Variants in ARHGEF9 observed in about 807,000 individuals in gnomAD.
ARHGEF9 encodes rho guanine nucleotide exchange factor 9.
ARHGEF9 carries 2 observed loss-of-function variants against 41.3 expected under a neutral mutation model. The observed-to-expected ratio is 0.05, with a 90% confidence interval of 0.02 to 0.15. The LOEUF (loss-of-function observed/expected upper bound fraction) is 0.15. Among genes scored for constraint, ARHGEF9 ranks in the 10% least tolerant of loss-of-function variants. The pLI is 1.00. For synonymous variants in ARHGEF9, 160 were observed against 154.4 expected, an observed-to-expected ratio of 1.04 and a Z score of -0.27; for missense variants, 225 against 424.7, an observed-to-expected ratio of 0.53 and a Z score of 4.13.
chrX:63,658,469 G>A (rs1425108838), intron 7 of ARHGEF9, among the ~76,000 whole-genome samples: 2 of 111,880 alleles, frequency 1.8e-5, no homozygotes, highest in Non-Finnish European at 3.8e-5. Context: ...TAACCTACCA[G>A]CTGTATGGTT....
intron 2 of ARHGEF9, 137 bp downstream of exon 2, chrX:63,724,395 G>C: frequency 1.5e-6 from 1 of 686,255 alleles, no homozygotes; most frequent in Non-Finnish European, 2.2e-6. Flanking sequence ...CTCTGTATGA[G>C]ACAATTTTAA....
intron 1 of ARHGEF9, chrX:63,754,173 G>T: frequency 2.7e-6 from 2 of 745,680 alleles, no homozygotes; most frequent in Non-Finnish European, 4.1e-6. Context: ...GATTAAAAAT[G>T]CACACACGCA....
At chrX:63,721,755 A>G (rs1432476137) in intron 2 of ARHGEF9, among the ~76,000 whole-genome samples, 2 of 110,501 alleles carry the variant, frequency 1.8e-5, no homozygotes, top group African/African-American at 6.6e-5. Context: ...CGACAACTAG[A>G]TATGAGGACT....
intron 8 of ARHGEF9, among the ~76,000 whole-genome samples, chrX:63,649,693 C>G (rs2048400637): frequency 9.0e-6 from 1 of 111,135 alleles, no homozygotes; most frequent in African/African-American, 3.3e-5. Context: ...AGACCACTAG[C>G]AAGACTAATA....
At chrX:63,690,862 T>G (rs1421283105) in intron 4 of ARHGEF9, among the ~76,000 whole-genome samples, 1 of 111,973 alleles carries the variant, frequency 8.9e-6, no homozygotes, top group Non-Finnish European at 1.9e-5. Flanking sequence ...TACATTACAT[T>G]AACAGAACCA....
rs187896794 is a variant in ARHGEF9, at chrX:63,658,465, A to G, written c.1078-2728T>C. Among the ~76,000 whole-genome samples the G allele has an allele frequency of 1.9e-4, 21 of 112,105 alleles. No individual in the cohort carries two copies. The East Asian group carries it at 5.4e-3, about 29-fold the overall frequency. On this transcript the variant is annotated intron_variant, in intron 7 of 9. Transcript: ENST00000671741. ...AGTTTGATGCCTTGCTGCCTAACCT[A>G]CCAGCTGTATGGTTACGGACAAGCC...
At chrX:63,682,769 A>T (rs1212532559) in intron 4 of ARHGEF9, among the ~76,000 whole-genome samples, 1 of 112,074 alleles carries the variant, frequency 8.9e-6, no homozygotes, top group Non-Finnish European at 1.9e-5. Context: ...AAAAGCTTTC[A>T]CAAAGTTCAA....
intron 3 of ARHGEF9, 98 bp downstream of exon 3, chrX:63,706,160 T>C: frequency 1.1e-6 from 1 of 940,845 alleles, no homozygotes; most frequent in Non-Finnish European, 1.5e-6. Flanking sequence ...TCTGGGAGGC[T>C]ATGTGCCCTT....
chrX:63,766,190 C>T (rs2056110809), intron 1 of ARHGEF9, among the ~76,000 whole-genome samples: 1 of 112,190 alleles, frequency 8.9e-6, no homozygotes, highest in African/African-American at 3.2e-5. Flanking sequence ...TTTGTACACA[C>T]ATCTAGTGCC....
At position 63,637,886 on chromosome X, in the gene ARHGEF9, G is replaced by C. The variant is rs1388333315; in HGVS notation, c.*142C>G. 4.7e-5 allele frequency: 20 copies of C among 422,405 alleles called. No homozygotes were observed. Among genetic ancestry groups the C allele is most frequent in the Middle Eastern group, 6.6e-4 (1 of 1,516 alleles). 34.8% of individuals were successfully genotyped at this position (422,405 alleles called of 1,213,427 possible). A position where few individuals can be genotyped will look rare whatever the true frequency, so the allele number is the denominator to read the frequency against. On this transcript the variant is annotated 3_prime_UTR_variant, in exon 10 of 10. Coordinates refer to ENST00000671741, the MANE Select transcript of ARHGEF9 (RefSeq NM_001353921.2). Reference sequence around the variant, plus strand: ...TGTGTGTGTGTGTGTGTGTGTCTGTGTGTGTGTGTGTGTATGTGTACTCAA... The same window carrying C: ...TGTGTGTGTGTGTGTGTGTGTCTGTCTGTGTGTGTGTGTATGTGTACTCAA...
At chrX:63,771,940 C>T (rs2056212651) in intron 1 of ARHGEF9, among the ~76,000 whole-genome samples, 1 of 111,811 alleles carries the variant, frequency 8.9e-6, no homozygotes, top group East Asian at 2.8e-4. Flanking sequence ...TGCCTTTGGA[C>T]TCTGACTGCA....
At chrX:63,726,006 CAAAAT>C (rs782631923) in intron 1 of ARHGEF9, among the ~76,000 whole-genome samples, 1 of 112,396 alleles carries the variant, frequency 8.9e-6, no homozygotes, top group East Asian at 2.8e-4. Context: ...CCTAGGTTCT[CAAAAT>C]AAATGCACAA....
chrX:63,776,382 C>T (rs1208401866), intron 1 of ARHGEF9, among the ~76,000 whole-genome samples: 3 of 111,888 alleles, frequency 2.7e-5, no homozygotes, highest in African/African-American at 9.8e-5. Flanking sequence ...GGCAGCGATA[C>T]ACAATAAGCA....
intron 1 of ARHGEF9, among the ~76,000 whole-genome samples, chrX:63,752,988 T>A (rs1417167868): frequency 5.4e-5 from 6 of 112,025 alleles, no homozygotes; most frequent in African/African-American, 2.0e-4. Context: ...AGGTAAGCAA[T>A]GGAATGGGGA....
intron 3 of ARHGEF9, among the ~76,000 whole-genome samples, chrX:63,700,379 G>A (rs1286222672): frequency 1.8e-5 from 2 of 111,479 alleles, no homozygotes; most frequent in Admixed American, 9.5e-5. Context: ...TGGCCTGATG[G>A]CTATCAAATT....
rs782207643 is a variant in ARHGEF9, at chrX:63,678,628, C to A, written c.583-56G>T. On this transcript the variant is annotated intron_variant, in intron 4 of 9. Coordinates refer to ENST00000671741, the MANE Select transcript of ARHGEF9 (RefSeq NM_001353921.2). ...GTCTACCAAGGACCCCAAAAGAAGT[C>A]TTGAAGTAATGGAAAGACAGATCAT... 2.5e-5 allele frequency: 22 copies of A among 877,655 alleles called. No individual in the cohort carries two copies. In the South Asian group the frequency reaches 3.9e-4, roughly 16 times the overall value. The allele number at this position is 877,655 out of a possible 1,213,427, so 72.3% of individuals were successfully genotyped here.
At chrX:63,692,421 AAAG>A (rs2051414195) in intron 4 of ARHGEF9, among the ~76,000 whole-genome samples, 1 of 112,873 alleles carries the variant, frequency 8.9e-6, no homozygotes, top group Non-Finnish European at 1.9e-5. Context: ...ACATTTCTTA[AAAG>A]AAGACATACA....
At chrX:63,687,770 A>G (rs2051076407) in intron 4 of ARHGEF9, among the ~76,000 whole-genome samples, 2 of 110,046 alleles carry the variant, frequency 1.8e-5, no homozygotes, top group Non-Finnish European at 3.8e-5. Context: ...ATCAAGCAGA[A>G]GAAAGAACCG....
chrX:63,715,650 T>C (rs1556409660), intron 2 of ARHGEF9, among the ~76,000 whole-genome samples: 2 of 112,249 alleles, frequency 1.8e-5, no homozygotes, highest in Admixed American at 9.4e-5. Context: ...ATCTGTCTTA[T>C]GTTTTTTACT....
Sources: allele counts gnomAD v4.1 joint callset (sites outside exome capture counted in the v4.1 genomes callset), GRCh38; gene constraint gnomAD v4.1.1; transcripts MANE v1.5; gene names NCBI Gene and HGNC (gene_info 2026-07-23, HGNC 2026-07-21).